NXPE1: variants seen among roughly 807,000 people sequenced by gnomAD.
NXPE1 encodes neurexophilin and PC-esterase domain family member 1.
In NXPE1, 31 loss-of-function variants were observed where a neutral mutation model predicts 33.3. That is an observed-to-expected ratio of 0.93 (90% CI 0.70 to 1.26). The LOEUF (loss-of-function observed/expected upper bound fraction) is 1.26, where lower values mean the gene tolerates loss of function less well. NXPE1 is among the 50% of genes most tolerant of loss of function. NXPE1 has a pLI of 0.00. For synonymous variants in NXPE1, 229 were observed against 231.4 expected, an observed-to-expected ratio of 0.99 and a Z score of 0.09; for missense variants, 661 against 655.6, an observed-to-expected ratio of 1.01 and a Z score of -0.09.
intron 5 of NXPE1, among the ~76,000 whole-genome samples, chr11:114,549,963 A>G (rs534722873): frequency 6.6e-6 from 1 of 152,214 alleles, no homozygotes; most frequent in South Asian, 2.1e-4. Flanking sequence ...TGACAATCCA[A>G]TATATGGCAG....
rs757014399 is a variant in NXPE1 at position 114,530,258 on chromosome 11, C to T, written c.750G>A (p.Met250Ile). ...TCATGTAGGTCAGAGCCTCACAGGG[C>T]ATGTGTTGAGGCTTCATACAATAGA... The change falls in exon 6 of 9, where the codon ATG (methionine) becomes ATA (isoleucine). Residue 250 changes from methionine (M) to isoleucine (I), a missense_variant. By Grantham distance (10) the Met-to-Ile change is conservative (BLOSUM62 1). Transcript: ENST00000534921. 60 of 1,613,984 alleles carry T rather than the reference C, an allele frequency of 3.7e-5. No homozygotes were observed. In the Middle Eastern group the frequency reaches 5.0e-4, roughly 13 times the overall value.
intron 5 of NXPE1, among the ~76,000 whole-genome samples, chr11:114,534,126 C>T (rs966186825): frequency 1.3e-5 from 2 of 152,184 alleles, no homozygotes; most frequent in East Asian, 1.9e-4. Context: ...TTGCGGTTAA[C>T]CAATATCCGC....
At chr11:114,551,261 A>T in intron 4 of NXPE1, 50 bp from the exon 5 acceptor site, 2 of 1,314,710 alleles carry the variant, frequency 1.5e-6, no homozygotes, top group African/African-American at 1.5e-5. Context: ...ATCTCTCTGT[A>T]CTCACTCATT....
At chr11:114,531,398 C>T (rs1337472900) in intron 5 of NXPE1, among the ~76,000 whole-genome samples, 1 of 152,166 alleles carries the variant, frequency 6.6e-6, no homozygotes, top group African/African-American at 2.4e-5. Flanking sequence ...CGTCATTTAT[C>T]TCCTGGATTA....
chr11:114,536,252 A>G (rs935917373), intron 5 of NXPE1, among the ~76,000 whole-genome samples: 2 of 152,342 alleles, frequency 1.3e-5, no homozygotes, highest in East Asian at 1.9e-4. Flanking sequence ...AAGACACAAC[A>G]TACCAGAATC....
At chr11:114,532,204 AC>A (rs1947610529) in intron 5 of NXPE1, among the ~76,000 whole-genome samples, 1 of 152,218 alleles carries the variant, frequency 6.6e-6, no homozygotes, top group Non-Finnish European at 1.5e-5. Flanking sequence ...GAGAGGAGAA[AC>A]AAGACAATGA....
intron 1 of NXPE1, among the ~76,000 whole-genome samples, chr11:114,558,422 A>C (rs1022485922): frequency 2.6e-5 from 4 of 152,102 alleles, no homozygotes; most frequent in African/African-American, 9.7e-5. Context: ...ACATTTTACT[A>C]TGTGTAATTA....
intron 5 of NXPE1, among the ~76,000 whole-genome samples, chr11:114,537,927 A>C (rs532818364): frequency 8.7e-4 from 133 of 152,284 alleles, no homozygotes; most frequent in African/African-American, 3.0e-3. Flanking sequence ...ATTGGAAAAA[A>C]CTACTTTAAA....
At chr11:114,550,889 C>A (rs1948456377) in intron 5 of NXPE1, among the ~76,000 whole-genome samples, 1 of 152,052 alleles carries the variant, frequency 6.6e-6, no homozygotes, top group Non-Finnish European at 1.5e-5. Flanking sequence ...AGGTCAAATC[C>A]TAATTGGAAT....
At chr11:114,536,212 T>C (rs1259987448) in intron 5 of NXPE1, among the ~76,000 whole-genome samples, 1 of 152,134 alleles carries the variant, frequency 6.6e-6, no homozygotes, top group African/African-American at 2.4e-5. Flanking sequence ...AAGGCAGAAA[T>C]GAAGATGTTC....
At chr11:114,531,560 GC>G (rs1469310903) in intron 5 of NXPE1, among the ~76,000 whole-genome samples, 1 of 152,054 alleles carries the variant, frequency 6.6e-6, no homozygotes, top group Admixed American at 6.6e-5. Flanking sequence ...CCCTTCAATG[GC>G]TTCTTGTAAT....
At chr11:114,519,217 G>A (rs942424248), downstream of NXPE1, among the ~76,000 whole-genome samples, 3 of 138,128 alleles carry the variant, frequency 2.2e-5, no homozygotes, top group African/African-American at 3.3e-5. Context: ...TACAGAAAAT[G>A]CTTTCCCCCC....
At chr11:114,553,850 C>T in intron 1 of NXPE1, 3 of 957,858 alleles carry the variant, frequency 3.1e-6, no homozygotes, top group Non-Finnish European at 3.7e-6. Context: ...GTGACATCAT[C>T]TTGGTAGCTT....
At chr11:114,558,785 T>C (rs1260491676) in intron 1 of NXPE1, among the ~76,000 whole-genome samples, 2 of 152,186 alleles carry the variant, frequency 1.3e-5, no homozygotes, top group Non-Finnish European at 2.9e-5. Flanking sequence ...TTTCTGTTAG[T>C]TTGTGTTTAT....
exon 7 of NXPE1, chr11:114,527,858 C>G (rs767162163): frequency 1.2e-6 from 2 of 1,607,144 alleles, no homozygotes; most frequent in East Asian, 4.5e-5. Flanking sequence ...TTAGTGACAT[C>G]AATGTGTTTA....
exon 6 of NXPE1, chr11:114,530,511 A>T: frequency 6.2e-7 from 1 of 1,613,900 alleles, no homozygotes; most frequent in African/African-American, 1.3e-5. Context: ...AGTGAAGCTG[A>T]CCAGGTAGGT....
rs550115829 is a variant in NXPE1, at chr11:114,549,756, G to A, written c.99+1347C>T. 7.9e-5 allele frequency among the ~76,000 whole-genome samples: 12 copies of A among 152,088 alleles called. No homozygotes were observed. In the South Asian group the frequency reaches 1.2e-3, roughly 16 times the overall value. ...GCAGTTAGAGAAGAGAAAGCAATTC[G>A]AGACACTGGAATTGAAAAGGAAATA... is the stretch of plus-strand genomic sequence containing the variant. On this transcript the variant is annotated intron_variant, in intron 5 of 8. Coordinates refer to ENST00000534921, the Ensembl canonical transcript of NXPE1.
chr11:114,547,362 T>C (rs73564290), intron 5 of NXPE1, among the ~76,000 whole-genome samples: 1 of 152,168 alleles, frequency 6.6e-6, no homozygotes, highest in Admixed American at 6.5e-5. Flanking sequence ...GAAGGACAGT[T>C]TACAAAATAC....
chr11:114,556,543 C>T (rs561156839), intron 1 of NXPE1, among the ~76,000 whole-genome samples: 1 of 152,032 alleles, frequency 6.6e-6, no homozygotes, highest in East Asian at 1.9e-4. Flanking sequence ...ATTCAAGTTG[C>T]TTTGCACAGT....
Sources: gnomAD v4.1 joint callset for allele counts (sites outside exome capture counted in the v4.1 genomes callset) on GRCh38, gnomAD v4.1.1 for gene constraint, MANE v1.5 for transcripts, NCBI Gene and HGNC (gene_info 2026-07-23, HGNC 2026-07-21) for gene names.